The following SCRN1 variants were observed in gnomAD, a reference collection of about 807,000 sequenced individuals.
The protein encoded by SCRN1 is secernin 1.
SCRN1 carries 19 observed loss-of-function variants against 43.3 expected under a neutral mutation model. The observed-to-expected ratio is 0.44, with a 90% CI of 0.31 to 0.64. The LOEUF is 0.64. Among genes scored for constraint, SCRN1 ranks in the 30% least tolerant of loss-of-function variants. SCRN1 has a pLI of 0.09. For synonymous variants in SCRN1, 183 were observed against 188.9 expected (o/e 0.97, Z 0.26); for missense variants, 447 against 524.1 (o/e 0.85, Z 1.44).
chr7:29,981,592 G>T (rs1788993948), intron 1 of SCRN1, among the ~76,000 whole-genome samples: 1 of 152,160 alleles, frequency 6.6e-6, no homozygotes, highest in African/African-American at 2.4e-5. Context: ...CCAGCTTCAG[G>T]TGAAGTTCAA....
intron 6 of SCRN1, among the ~76,000 whole-genome samples, chr7:29,933,554 C>T (rs943320683): frequency 6.6e-6 from 1 of 152,186 alleles, no homozygotes; most frequent in South Asian, 2.1e-4. Context: ...TATACTAAAG[C>T]CAATCAGTGT....
In SCRN1 at chr7:29,955,271, G is replaced by A. The variant is rs369984089; in HGVS notation, c.249C>T (p.Ala83=). The change falls in exon 3 of 8, where the codon GCC becomes GCT. Residue 83 remains alanine, a synonymous_variant. Coordinates refer to ENST00000242059, the MANE Select transcript of SCRN1 (RefSeq NM_014766.5). ...TGGCTATGCACACTCCATGTTCATT[G>A]GCTCCCATTTCTGCTCCCCAGAGCC... The part of the protein sequence containing the change: ...PAWLWGAEMG[A]NEHGVCIANE... The A allele has an allele frequency of 2.1e-5, 34 of 1,613,976 alleles. No individual in the cohort carries two copies. The highest frequency in any genetic ancestry group is 5.0e-5 in the Admixed American group (3 of 60,006).
intron 1 of SCRN1, among the ~76,000 whole-genome samples, chr7:29,975,648 T>G (rs1469498935): frequency 6.6e-6 from 1 of 152,248 alleles, no homozygotes; most frequent in Non-Finnish European, 1.5e-5. Flanking sequence ...GGTACTATGT[T>G]GAGATGTAAC....
At chr7:29,927,668 T>C (rs1227552679) in intron 6 of SCRN1, among the ~76,000 whole-genome samples, 1 of 152,192 alleles carries the variant, frequency 6.6e-6, no homozygotes, top group African/African-American at 2.4e-5. Context: ...TTGTCAGATT[T>C]GGACATTTTT....
rs76375616 is a variant in SCRN1, at chr7:29,945,733, A to T, written c.342-1554T>A. Among the ~76,000 whole-genome samples, 1,411 of 152,212 alleles carry T rather than the reference A, an allele frequency of 9.3e-3. 8 individuals are homozygous for T. The highest frequency in any genetic ancestry group is 0.014 in the Admixed American group (212 of 15,298). ...AGTAATGTGACCTTTCCAAACCTTGATTTTTCTCATCTGCAGATTGAAAAC... is the reference window on the plus strand; with the variant it reads ...AGTAATGTGACCTTTCCAAACCTTGTTTTTTCTCATCTGCAGATTGAAAAC... On this transcript the variant is annotated intron_variant, in intron 3 of 7. Transcript: ENST00000242059.
intron 1 of SCRN1, among the ~76,000 whole-genome samples, chr7:29,988,282 A>G (rs1019807950): frequency 6.6e-6 from 1 of 152,242 alleles, no homozygotes; most frequent in Non-Finnish European, 1.5e-5. Flanking sequence ...GCAGCCACAG[A>G]GTCAACTTTA....
chr7:29,977,020 T>C (rs1788855871), intron 1 of SCRN1, among the ~76,000 whole-genome samples: 3 of 152,360 alleles, frequency 2.0e-5, no homozygotes, highest in Middle Eastern at 3.4e-3. Flanking sequence ...CAAGGTTTTT[T>C]TCTGCATGAC....
chr7:29,974,778 GGTTCAAGCAATT>G (rs1463284674), intron 1 of SCRN1, among the ~76,000 whole-genome samples: 1 of 150,878 alleles, frequency 6.6e-6, no homozygotes, highest in East Asian at 1.9e-4. Context: ...CCACCTCCTG[GGTTCAAGCAATT>G]CTCCTACCTC....
At chr7:29,956,343 C>T (rs1788136092) in intron 2 of SCRN1, among the ~76,000 whole-genome samples, 2 of 152,336 alleles carry the variant, frequency 1.3e-5, no homozygotes, top group South Asian at 4.2e-4. Context: ...GGCCTCCTGA[C>T]TCTGACATTC....
intron 2 of SCRN1, among the ~76,000 whole-genome samples, chr7:29,959,953 G>A (rs1032289359): frequency 6.7e-6 from 1 of 148,820 alleles, no homozygotes; most frequent in African/African-American, 2.5e-5. Flanking sequence ...GAAAGAAAGT[G>A]GGGGGAGGGA....
chr7:29,969,178 G>T, intron 1 of SCRN1, 110 bp from the exon 2 acceptor site: 1 of 1,293,458 alleles, frequency 7.7e-7, no homozygotes, highest in Non-Finnish European at 1.1e-6. Context: ...ATTGAACTGT[G>T]CACAGCTAGC....
chr7:29,969,149 C>G, intron 1 of SCRN1, 81 bp from the exon 2 acceptor site: 1 of 1,502,860 alleles, frequency 6.7e-7, no homozygotes, highest in East Asian at 2.4e-5. Flanking sequence ...CATATTTCAC[C>G]AGCTAAAAGG....
chr7:29,984,614 T>A (rs931812517), intron 1 of SCRN1, among the ~76,000 whole-genome samples: 1 of 152,010 alleles, frequency 6.6e-6, no homozygotes, highest in Non-Finnish European at 1.5e-5. Flanking sequence ...AGAAAATATT[T>A]ATCTCACTCA....
chr7:29,945,567 T>A (rs1787710172), intron 3 of SCRN1, among the ~76,000 whole-genome samples: 1 of 152,196 alleles, frequency 6.6e-6, no homozygotes, highest in Non-Finnish European at 1.5e-5. Flanking sequence ...CATGAAAATA[T>A]GCAGTGCTAG....
In SCRN1 at chr7:29,950,005, G is replaced by A. The variant is rs1441951934; in HGVS notation, c.341+5174C>T. On this transcript the variant is annotated intron_variant, in intron 3 of 7. Transcript: ENST00000242059. This position sits in a 1 kb window ranked among gnomAD's most constrained non-coding sequence, Gnocchi z 4.5. ...AGATGCCGGCTGCAACAGGGAGGCA[G>A]GGTCTGGGTTGCGTGCTTTGCGAGG... Among the ~76,000 whole-genome samples the A allele has an allele frequency of 3.9e-5, 6 of 152,354 alleles. No homozygotes were observed. The East Asian group carries it at 1.2e-3, about 29-fold the overall frequency.
At chr7:29,945,530 G>A (rs1443734658) in intron 3 of SCRN1, among the ~76,000 whole-genome samples, 1 of 152,194 alleles carries the variant, frequency 6.6e-6, no homozygotes, top group Non-Finnish European at 1.5e-5. Flanking sequence ...TTTAGTTGTT[G>A]TAAGAGTAGG....
In SCRN1 at chr7:29,923,953, T is replaced by C. The variant is rs886572748; in HGVS notation, c.*4A>G. The C allele has an allele frequency of 6.2e-7, 1 of 1,608,556 alleles. No homozygotes were observed. The highest frequency in any genetic ancestry group is 8.5e-7 in the Non-Finnish European group (1 of 1,177,704). On this transcript the variant is annotated 3_prime_UTR_variant, in exon 8 of 8. Coordinates refer to ENST00000242059, the MANE Select transcript of SCRN1 (RefSeq NM_014766.5). The stretch of plus-strand genomic sequence containing the variant: ...AAATAAGAAGGGGAAAGGGAACGCT[T>C]ACTTCACTTAAAGAACTTAATCTCC...
At chr7:29,938,774 A>G (rs1044997827) in intron 5 of SCRN1, among the ~76,000 whole-genome samples, 5 of 152,238 alleles carry the variant, frequency 3.3e-5, no homozygotes, top group Non-Finnish European at 5.9e-5. Context: ...CTTGCTGTCA[A>G]TAAATACATG....
chr7:29,982,384 A>G (rs982370989), intron 1 of SCRN1, among the ~76,000 whole-genome samples: 1 of 152,184 alleles, frequency 6.6e-6, no homozygotes, highest in Admixed American at 6.5e-5. Context: ...AATGAAAGCT[A>G]CAAATGGTGA....
Sources: gnomAD v4.1 joint callset for allele counts (sites outside exome capture counted in the v4.1 genomes callset) on GRCh38, gnomAD v4.1.1 for gene constraint, Gnocchi (gnomAD v3.1) non-coding constraint, MANE v1.5 for transcripts, NCBI Gene and HGNC (gene_info 2026-07-23, HGNC 2026-07-21) for gene names.